The following TRHR variants were observed in gnomAD, a reference collection of about 807,000 sequenced individuals.
TRHR encodes thyrotropin-releasing hormone receptor.
TRHR carries 14 observed loss-of-function variants against 28.0 expected under a neutral mutation model. The ratio of observed to expected loss-of-function variants is 0.50; its 90% CI spans 0.33 to 0.78. The LOEUF (loss-of-function observed/expected upper bound fraction) is 0.78, where lower values mean the gene tolerates loss of function less well. Ranked by LOEUF, TRHR falls within the 30% of genes least tolerant of loss-of-function variation. The pLI is 0.02. For synonymous variants in TRHR, 176 were observed against 171.9 expected, an observed-to-expected ratio of 1.02 and a Z score of -0.18; for missense variants, 438 against 469.5, an observed-to-expected ratio of 0.93 and a Z score of 0.62.
intron 2 of TRHR, among the ~76,000 whole-genome samples, chr8:109,104,701 G>A (rs1334313906): frequency 6.6e-6 from 1 of 152,072 alleles, no homozygotes; most frequent in Non-Finnish European, 1.5e-5. Flanking sequence ...AGGCAACATT[G>A]CAGACTCTTC....
At chr8:109,109,741 A>G (rs4129683) in intron 2 of TRHR, among the ~76,000 whole-genome samples, 26,253 of 152,110 alleles carry the variant, frequency 0.17, 3,352 homozygotes, top group African/African-American at 0.36. Context: ...ATTGAACCCC[A>G]GTTCCACTAA....
intron 2 of TRHR, among the ~76,000 whole-genome samples, chr8:109,100,529 G>A (rs1477035035): frequency 2.0e-5 from 3 of 152,164 alleles, no homozygotes; most frequent in Middle Eastern, 3.4e-3. Context: ...TGAAAGTAAG[G>A]ATCAGATAGA....
At chr8:109,110,406 C>T (rs1378943378) in intron 2 of TRHR, among the ~76,000 whole-genome samples, 3 of 149,598 alleles carry the variant, frequency 2.0e-5, no homozygotes, top group African/African-American at 7.4e-5. Context: ...AATAAAAATC[C>T]TATGTCACTT....
chr8:109,100,020 C>G (rs755735857), intron 2 of TRHR, among the ~76,000 whole-genome samples: 2 of 152,118 alleles, frequency 1.3e-5, no homozygotes, highest in African/African-American at 4.8e-5. Flanking sequence ...ATGCAGAGCA[C>G]CCCATGAATT....
intron 2 of TRHR, among the ~76,000 whole-genome samples, chr8:109,111,600 A>G (rs375533988): frequency 6.6e-6 from 1 of 152,234 alleles, no homozygotes; most frequent in Non-Finnish European, 1.5e-5. Flanking sequence ...AAGAACTAGC[A>G]TACTTTTGCT....
intron 2 of TRHR, among the ~76,000 whole-genome samples, chr8:109,098,310 T>G (rs1012944965): frequency 6.6e-6 from 1 of 151,738 alleles, no homozygotes; most frequent in Non-Finnish European, 1.5e-5. Flanking sequence ...TGTTCATTTT[T>G]GTATAAAGAC....
intron 2 of TRHR, among the ~76,000 whole-genome samples, chr8:109,112,477 T>C (rs1811849853): frequency 6.6e-6 from 1 of 152,218 alleles, no homozygotes; most frequent in Admixed American, 6.5e-5. Flanking sequence ...AAAGTTTTCA[T>C]TTTTAAAATT....
chr8:109,096,140 G>T (rs1163705764), intron 2 of TRHR, among the ~76,000 whole-genome samples: 1 of 152,028 alleles, frequency 6.6e-6, no homozygotes, highest in Non-Finnish European at 1.5e-5. Flanking sequence ...TACATTTTCG[G>T]CTTCCTCTCA....
At chr8:109,112,069 T>C (rs1190150750) in intron 2 of TRHR, among the ~76,000 whole-genome samples, 2 of 152,160 alleles carry the variant, frequency 1.3e-5, no homozygotes, top group Non-Finnish European at 2.9e-5. Flanking sequence ...CTGCCCAGTG[T>C]CTTCAGAGGC....
Position 109,121,542 on chromosome 8 carries a change from G to A in TRHR, c.*2087G>A, listed in dbSNP as rs1295714302. ...TGACCTAATTCCTAATTAATAAAAA[G>A]TTATGGATTTTGCAGAATGATTATA... is the stretch of plus-strand genomic sequence containing the variant. On this transcript the variant is annotated 3_prime_UTR_variant, in exon 3 of 3. Transcript: ENST00000518632. Among the ~76,000 whole-genome samples, 1 of 151,624 alleles carries A rather than the reference G, an allele frequency of 6.6e-6. No individual in the cohort carries two copies. Among genetic ancestry groups the A allele is most frequent in the African/African-American group, 2.4e-5 (1 of 41,352 alleles).
At chr8:109,104,146 C>G (rs1811717315) in intron 2 of TRHR, among the ~76,000 whole-genome samples, 1 of 152,054 alleles carries the variant, frequency 6.6e-6, no homozygotes, top group Non-Finnish European at 1.5e-5. Context: ...TAAAGAGTTA[C>G]AGTGGAAAAT....
At chr8:109,112,721 A>G (rs1811853935) in intron 2 of TRHR, among the ~76,000 whole-genome samples, 1 of 152,152 alleles carries the variant, frequency 6.6e-6, no homozygotes, top group African/African-American at 2.4e-5. Context: ...AAATTCTTCA[A>G]CTCACTATTT....
chr8:109,112,946 A>G (rs1811857826), intron 2 of TRHR, among the ~76,000 whole-genome samples: 1 of 152,180 alleles, frequency 6.6e-6, no homozygotes, highest in Non-Finnish European at 1.5e-5. Flanking sequence ...TTCAATTACA[A>G]TAAAAGAACT....
intron 2 of TRHR, 55 bp downstream of exon 2, chr8:109,088,356 G>A (rs2129863960): frequency 6.3e-7 from 1 of 1,584,442 alleles, no homozygotes; most frequent in East Asian, 2.3e-5. Flanking sequence ...AGAGTTCCTT[G>A]GAGATGGGAA....
At chr8:109,109,162 C>T (rs1253649415) in intron 2 of TRHR, among the ~76,000 whole-genome samples, 1 of 152,246 alleles carries the variant, frequency 6.6e-6, no homozygotes, top group African/African-American at 2.4e-5. Flanking sequence ...GTTAGTTTTT[C>T]ATTCTCCCTG....
At chr8:109,108,311 T>C (rs975897236) in intron 2 of TRHR, among the ~76,000 whole-genome samples, 3 of 152,290 alleles carry the variant, frequency 2.0e-5, no homozygotes, top group East Asian at 3.9e-4. Flanking sequence ...TCCCCTTTGA[T>C]TTCCCAGCCC....
At chr8:109,092,955 A>T (rs1811538023) in intron 2 of TRHR, among the ~76,000 whole-genome samples, 1 of 150,128 alleles carries the variant, frequency 6.7e-6, no homozygotes, top group Non-Finnish European at 1.5e-5. Flanking sequence ...TTTTTTTTTT[A>T]AACACAATTA....
intron 2 of TRHR, among the ~76,000 whole-genome samples, chr8:109,102,007 T>C (rs1811684218): frequency 6.6e-6 from 1 of 152,052 alleles, no homozygotes; most frequent in African/African-American, 2.4e-5. Context: ...ACTATTTCAG[T>C]AGTGGTCAAT....
At chr8:109,094,699 A>G (rs1407198610) in intron 2 of TRHR, among the ~76,000 whole-genome samples, 1 of 151,448 alleles carries the variant, frequency 6.6e-6, no homozygotes, top group Non-Finnish European at 1.5e-5. Context: ...TCCTAATTTT[A>G]TATTTGCATG....
Sources: gnomAD v4.1 joint callset for allele counts (sites outside exome capture counted in the v4.1 genomes callset) on GRCh38, gnomAD v4.1.1 for gene constraint, MANE v1.5 for transcripts, NCBI Gene and HGNC (gene_info 2026-07-23, HGNC 2026-07-21) for gene names.